The following ADAM23 variants were observed in gnomAD, a reference collection of about 807,000 sequenced individuals.
The protein encoded by ADAM23 is disintegrin and metalloproteinase domain-containing protein 23.
ADAM23 carries 33 observed loss-of-function variants against 120.1 expected under a neutral mutation model. That is an observed-to-expected ratio of 0.27 (90% confidence interval 0.21 to 0.37). The LOEUF is 0.37. ADAM23 is among the 10% of genes least tolerant of loss of function. The probability of loss-of-function intolerance (pLI) is 1.00; values close to 1 mark genes in which losing one functional copy is unlikely to be tolerated. For missense variants in ADAM23, 862 were observed against 1,058.2 expected (o/e 0.81, Z 2.57); for synonymous variants, 367 against 375.2 (o/e 0.98, Z 0.25).
At chr2:206,566,177 A>G (rs997446685) in intron 14 of ADAM23, among the ~76,000 whole-genome samples, 2 of 148,978 alleles carry the variant, frequency 1.3e-5, no homozygotes, top group African/African-American at 2.4e-5. Flanking sequence ...TTCATAATAT[A>G]TATAACATAT....
chr2:206,551,465 A>C (rs774869959), intron 9 of ADAM23, among the ~76,000 whole-genome samples: 2 of 152,250 alleles, frequency 1.3e-5, no homozygotes, highest in Non-Finnish European at 2.9e-5. Flanking sequence ...ACTTCTGAAA[A>C]GACTTTATAT....
At chr2:206,473,599 T>TAATAATAAC (rs545339986) in intron 2 of ADAM23, among the ~76,000 whole-genome samples, 18 of 148,502 alleles carry the variant, frequency 1.2e-4, no homozygotes, top group South Asian at 2.1e-4. Context: ...ATAATAATAA[T>TAATAATAAC]AACAACAACA....
At chr2:206,527,229 G>T (rs1047385838) in intron 3 of ADAM23, among the ~76,000 whole-genome samples, 1 of 152,182 alleles carries the variant, frequency 6.6e-6, no homozygotes, top group Non-Finnish European at 1.5e-5. Flanking sequence ...GTTTATATTT[G>T]GGTCCGCAAT....
intron 14 of ADAM23, among the ~76,000 whole-genome samples, chr2:206,565,971 A>G (rs1240808398): frequency 6.6e-6 from 1 of 152,124 alleles, no homozygotes; most frequent in East Asian, 1.9e-4. Flanking sequence ...GCTACTTTAG[A>G]ACGCATTTCT....
intron 5 of ADAM23, 22 bp from the exon 6 acceptor site, chr2:206,543,231 T>C (rs1322614508): frequency 1.2e-6 from 2 of 1,611,026 alleles, no homozygotes; most frequent in African/African-American, 1.3e-5. Flanking sequence ...TTCCCTCCTT[T>C]GTGTGGTTTC....
intron 3 of ADAM23, among the ~76,000 whole-genome samples, chr2:206,528,626 G>A (rs1468641113): frequency 6.6e-6 from 1 of 152,146 alleles, no homozygotes; most frequent in Non-Finnish European, 1.5e-5. Context: ...TTTTTAGAAT[G>A]CATCAGATGC....
At chr2:206,571,849 A>G (rs777764926) in intron 17 of ADAM23, 33 bp downstream of exon 17, 1 of 1,575,410 alleles carries the variant, frequency 6.3e-7, no homozygotes, top group Non-Finnish European at 8.7e-7. Context: ...CTTTCTTTTA[A>G]TTGACAGATT....
intron 4 of ADAM23, among the ~76,000 whole-genome samples, chr2:206,534,909 C>T (rs1458383628): frequency 1.3e-5 from 2 of 151,882 alleles, no homozygotes; most frequent in Admixed American, 1.3e-4. Flanking sequence ...GGAAGAGCGG[C>T]TTGACTGCTG....
intron 3 of ADAM23, among the ~76,000 whole-genome samples, chr2:206,516,848 C>T (rs987897789): frequency 6.6e-6 from 1 of 152,046 alleles, no homozygotes; most frequent in Admixed American, 6.6e-5. Context: ...TGGCACCCAA[C>T]CTACCCTTGT....
At chr2:206,606,160 T>C (rs4085933) in intron 24 of ADAM23, among the ~76,000 whole-genome samples, 61,873 of 152,162 alleles carry the variant, frequency 0.41, 13,102 homozygotes, top group Non-Finnish European at 0.47. Context: ...CTCCACTTTG[T>C]AGAAGTAATT....
At chr2:206,521,391 T>G (rs908485507) in intron 3 of ADAM23, among the ~76,000 whole-genome samples, 35 of 152,130 alleles carry the variant, frequency 2.3e-4, no homozygotes, top group African/African-American at 8.5e-4. Context: ...GGACTCGAAA[T>G]TAGTCCTTAA....
chr2:206,591,944 T>C (rs1698433413), intron 21 of ADAM23, among the ~76,000 whole-genome samples: 1 of 152,168 alleles, frequency 6.6e-6, no homozygotes, highest in African/African-American at 2.4e-5. Context: ...GACATGGATT[T>C]CCTTTTTTTG....
intron 3 of ADAM23, among the ~76,000 whole-genome samples, chr2:206,487,801 G>A (rs373443735): frequency 3.3e-5 from 5 of 152,204 alleles, no homozygotes; most frequent in African/African-American, 4.8e-5. Context: ...CTACTCCAGC[G>A]AGAGAGTGTG....
chr2:206,499,305 A>C (rs185116757), intron 3 of ADAM23, among the ~76,000 whole-genome samples: 4 of 152,058 alleles, frequency 2.6e-5, no homozygotes, highest in Admixed American at 6.6e-5. Flanking sequence ...ACCATATACT[A>C]TGCAGCCATA....
intron 2 of ADAM23, among the ~76,000 whole-genome samples, chr2:206,474,275 A>G (rs1430351290): frequency 1.3e-5 from 2 of 152,174 alleles, no homozygotes; most frequent in African/African-American, 4.8e-5. Flanking sequence ...CAGCTGTTTC[A>G]CTTCTGTGGA....
At chr2:206,479,703 TCA>T (rs1695856195) in intron 2 of ADAM23, among the ~76,000 whole-genome samples, 1 of 152,212 alleles carries the variant, frequency 6.6e-6, no homozygotes, top group East Asian at 1.9e-4. Flanking sequence ...TCTCTCTCTC[TCA>T]CTCATAGTTG....
chr2:206,474,011 C>CA (rs761985007), intron 2 of ADAM23, among the ~76,000 whole-genome samples: 4,164 of 57,170 alleles, frequency 0.073, 222 homozygotes, highest in African/African-American at 0.2. Flanking sequence ...GACCCTGTCT[C>CA]AAAAAAAAAA....
chr2:206,541,205 G>A (rs1465104154), intron 4 of ADAM23, among the ~76,000 whole-genome samples: 1 of 151,368 alleles, frequency 6.6e-6, no homozygotes, highest in Non-Finnish European at 1.5e-5. Context: ...AGAGTACCCA[G>A]TACAACAAAG....
intron 24 of ADAM23, among the ~76,000 whole-genome samples, chr2:206,599,973 G>A (rs1432751846): frequency 4.6e-5 from 7 of 152,282 alleles, no homozygotes; most frequent in Admixed American, 2.0e-4. Context: ...AGGCCAAGGC[G>A]GGCGGATCAC....
Sources: allele counts gnomAD v4.1 joint callset (sites outside exome capture counted in the v4.1 genomes callset), GRCh38; gene constraint gnomAD v4.1.1; transcripts MANE v1.5; gene names NCBI Gene and HGNC (gene_info 2026-07-23, HGNC 2026-07-21).